The following MYO1E variants were observed in gnomAD, a reference collection of about 807,000 sequenced individuals.
The protein encoded by MYO1E is myosin IE.
A neutral mutation model predicts 151.1 loss-of-function variants in MYO1E; 68 were observed. The observed-to-expected ratio is 0.45, with a 90% CI of 0.37 to 0.55. MYO1E has a LOEUF of 0.55. MYO1E is among the 20% of genes least tolerant of loss of function. MYO1E has a pLI of 0.00. For missense variants in MYO1E, 1,363 were observed against 1,389.3 expected, an observed-to-expected ratio of 0.98 and a Z score of 0.30; for synonymous variants, 601 against 501.7, an observed-to-expected ratio of 1.20 and a Z score of -2.64.
chr15:59,218,597 G>C (rs1048553607), intron 9 of MYO1E, among the ~76,000 whole-genome samples: 1 of 152,142 alleles, frequency 6.6e-6, no homozygotes, highest in Non-Finnish European at 1.5e-5. Context: ...GCATGTGTAG[G>C]GTTACTAAAG....
chr15:59,248,127 CAAAAAAAA>C lies in MYO1E; in HGVS notation c.332+8149_332+8156del, dbSNP rs138467126. Among the ~76,000 whole-genome samples, 317 of 35,898 alleles carry C rather than the reference CAAAAAAAA, an allele frequency of 8.8e-3. 2 individuals are homozygous for C. The highest frequency in any genetic ancestry group is 0.032 in the African/African-American group (302 of 9,328). The allele number at this position is 35,898 out of a possible 152,430, so 23.6% of individuals were successfully genotyped here. A position where few individuals can be genotyped will look rare whatever the true frequency, so the allele number is the denominator to read the frequency against. ...TGGGTGACAGAATGAGACTCCGTCT[CAAAAAAAA>C]AAAAAAAAAAAAAAAAAAAGATAAA... On this transcript the variant is annotated intron_variant, in intron 4 of 27. Transcript: ENST00000288235.
chr15:59,178,403 G>C lies in MYO1E; in HGVS notation c.2039C>G (p.Ala680Gly), dbSNP rs1318666308. The change falls in exon 19 of 28, where the codon GCC becomes GGC. Residue 680 changes from alanine to glycine, a missense_variant. By Grantham distance (60) the Ala-to-Gly change is moderately conservative. Transcript: ENST00000288235. ...QLGRSKVFIK[A>G]PESLFLLEEM... is the part of the protein sequence containing the mutation. ...CAGCCAAGCACTCACAGACTCGGGG[G>C]CTTTGATGAACACTTTACTCCTCCC... is the stretch of plus-strand genomic sequence containing the variant. The C allele has an allele frequency of 1.2e-6, 2 of 1,614,228 alleles. No homozygotes were observed.
At chr15:59,231,346 C>A (rs1438972253) in intron 6 of MYO1E, among the ~76,000 whole-genome samples, 1 of 152,148 alleles carries the variant, frequency 6.6e-6, no homozygotes, top group Non-Finnish European at 1.5e-5. Flanking sequence ...GGAAATGATA[C>A]CTGGGATACC....
At chr15:59,149,702 A>T (rs1195179617) in intron 26 of MYO1E, among the ~76,000 whole-genome samples, 1 of 152,232 alleles carries the variant, frequency 6.6e-6, no homozygotes, top group South Asian at 2.1e-4. Flanking sequence ...ATATTACATG[A>T]TCCAAAATAA....
intron 1 of MYO1E, among the ~76,000 whole-genome samples, chr15:59,351,243 G>A (rs2080821682): frequency 6.6e-6 from 1 of 152,186 alleles, no homozygotes; most frequent in Non-Finnish European, 1.5e-5. Flanking sequence ...AAAAAGGGAA[G>A]GGAAATCTAG....
chr15:59,199,347 T>C (rs1487531234), intron 16 of MYO1E, among the ~76,000 whole-genome samples: 1 of 152,180 alleles, frequency 6.6e-6, no homozygotes, highest in Non-Finnish European at 1.5e-5. Context: ...TCTCCCAAAG[T>C]GCTAGGATAA....
At position 59,159,043 on chromosome 15, in the gene MYO1E, G is replaced by A. The variant is rs1411336416; in HGVS notation, c.2786-664C>T. 2.0e-5 allele frequency among the ~76,000 whole-genome samples: 3 copies of A among 152,196 alleles called. No homozygotes were observed. The highest frequency in any genetic ancestry group is 4.4e-5 in the Non-Finnish European group (3 of 68,038). ...GAAGAAAAACAATAGGGTCTTGAAT[G>A]GAACAGGAAGGAAGGTAGGATTAAA... On this transcript the variant is annotated intron_variant, in intron 24 of 27. Coordinates refer to ENST00000288235, the MANE Select transcript of MYO1E (RefSeq NM_004998.4). The surrounding 1 kb of genome is among the most constrained non-coding windows in gnomAD (Gnocchi z 4.4).
rs1162256966 is a variant in MYO1E at position 59,139,933 on chromosome 15, T to C, written c.3081-1566A>G. Among the ~76,000 whole-genome samples, 8 of 152,034 alleles carry C rather than the reference T, an allele frequency of 5.3e-5. No homozygotes were observed. In the South Asian group the frequency reaches 1.7e-3, roughly 32 times the overall value. ...ATTACTCCTCAGGTCTCCTTCCCAT[T>C]CTTTCATTATTACCCCTCAGAGCTC... On this transcript the variant is annotated intron_variant, in intron 26 of 27. Coordinates refer to ENST00000288235, the MANE Select transcript of MYO1E (RefSeq NM_004998.4).
intron 17 of MYO1E, among the ~76,000 whole-genome samples, chr15:59,188,762 T>C (rs2079715080): frequency 6.6e-6 from 1 of 152,092 alleles, no homozygotes; most frequent in Non-Finnish European, 1.5e-5. Context: ...GGGCATTACA[T>C]ATCTATTTCA....
At chr15:59,245,182 A>C (rs2080122401) in intron 4 of MYO1E, among the ~76,000 whole-genome samples, 1 of 152,224 alleles carries the variant, frequency 6.6e-6, no homozygotes, top group African/African-American at 2.4e-5. Context: ...CATGCTAATA[A>C]TAAAAGGTTC....
intron 12 of MYO1E, 41 bp from the exon 13 acceptor site, chr15:59,210,641 A>G: frequency 7.1e-7 from 1 of 1,408,208 alleles, no homozygotes; most frequent in South Asian, 1.2e-5. Flanking sequence ...TTTCCCAGAT[A>G]GCAAGAGCTC....
intron 1 of MYO1E, among the ~76,000 whole-genome samples, chr15:59,319,999 T>A (rs1471195233): frequency 6.6e-6 from 1 of 152,184 alleles, no homozygotes; most frequent in African/African-American, 2.4e-5. Context: ...AATATCAGCA[T>A]ACAGAAATCA....
At chr15:59,281,904 C>A (rs972602680) in intron 1 of MYO1E, among the ~76,000 whole-genome samples, 1 of 149,832 alleles carries the variant, frequency 6.7e-6, no homozygotes, top group Non-Finnish European at 1.5e-5. Flanking sequence ...TTCAAGGCTG[C>A]AGTAAGCTAT....
intron 22 of MYO1E, among the ~76,000 whole-genome samples, chr15:59,163,765 G>A (rs1477903516): frequency 7.2e-5 from 11 of 152,106 alleles, no homozygotes; most frequent in Admixed American, 5.2e-4. Flanking sequence ...TCATAAGCTC[G>A]GTTCTCAAGA....
chr15:59,138,191 C>CACTT lies in MYO1E; in HGVS notation c.3250+3_3250+6dup. 6.2e-7 allele frequency: 1 copy of CACTT among 1,614,144 alleles called. No individual in the cohort carries two copies. Among genetic ancestry groups the CACTT allele is most frequent in the Non-Finnish European group, 8.5e-7 (1 of 1,180,018 alleles). On this transcript the variant is annotated splice_region_variant and intron_variant, in intron 27 of 27. Transcript: ENST00000288235. ...AGGCTGTCCCAGCCAACCAGCCACA[C>CACTT]ACTTACCTTCTTTGATAATATCAAT...
intron 1 of MYO1E, among the ~76,000 whole-genome samples, chr15:59,290,749 C>G (rs1336746981): frequency 1.3e-5 from 2 of 152,160 alleles, no homozygotes; most frequent in Non-Finnish European, 2.9e-5. Flanking sequence ...GCTAGGGATC[C>G]ACTGGAGGAA....
At chr15:59,268,733 T>TTTTTTTTTTTTTTTTTTTTTTTTTG in intron 2 of MYO1E, among the ~76,000 whole-genome samples, 1 of 136,106 alleles carries the variant, frequency 7.3e-6, no homozygotes, top group Non-Finnish European at 1.6e-5. Context: ...TTTTTTTTTT[T>TTTTTTTTTTTTTTTTTTTTTTTTTG]TTTTTTTTGC....
chr15:59,201,843 T>A (rs1223945275), intron 16 of MYO1E, among the ~76,000 whole-genome samples: 1 of 152,178 alleles, frequency 6.6e-6, no homozygotes, highest in Non-Finnish European at 1.5e-5. Flanking sequence ...GCTAGATGTG[T>A]CTTCAATTCA....
chr15:59,271,665 G>A (rs536106482), intron 2 of MYO1E, among the ~76,000 whole-genome samples: 1 of 152,314 alleles, frequency 6.6e-6, no homozygotes, highest in East Asian at 1.9e-4. Flanking sequence ...AAGAACAACT[G>A]AAGAACGTCA....
Sources: gnomAD v4.1 joint callset for allele counts (sites outside exome capture counted in the v4.1 genomes callset) on GRCh38, gnomAD v4.1.1 for gene constraint, Gnocchi (gnomAD v3.1) non-coding constraint, MANE v1.5 for transcripts, NCBI Gene and HGNC (gene_info 2026-07-23, HGNC 2026-07-21) for gene names.